Variants in SLCO3A1 observed in about 807,000 individuals in gnomAD.
The protein encoded by SLCO3A1 is PGE1 transporter.
A neutral mutation model predicts 63.1 loss-of-function variants in SLCO3A1; 27 were observed. The ratio of observed to expected loss-of-function variants is 0.43; its 90% confidence interval spans 0.32 to 0.59. The LOEUF (loss-of-function observed/expected upper bound fraction) is 0.59. SLCO3A1 is among the 20% of genes least tolerant of loss of function. SLCO3A1 has a pLI of 0.09. For missense variants in SLCO3A1, 773 were observed against 945.8 expected (o/e 0.82, Z 2.40); for synonymous variants, 473 against 409.9 (o/e 1.15, Z -1.86).
rs1245845501 is a variant in SLCO3A1, at chr15:91,863,811, G to A, written c.180+9723G>A. Among the ~76,000 whole-genome samples the A allele has an allele frequency of 6.6e-6, 1 of 152,202 alleles. No homozygotes were observed. Among genetic ancestry groups the A allele is most frequent in the Non-Finnish European group, 1.5e-5 (1 of 68,030 alleles). ...AGACTCCTGACTTATTGTGTGGCAT[G>A]TCGTGTCGCCTCCCCAGTGCTGGTA... On this transcript the variant is annotated intron_variant, in intron 1 of 9. Coordinates refer to ENST00000318445, the MANE Select transcript of SLCO3A1 (RefSeq NM_013272.4). The surrounding 1 kb of genome is among the most constrained non-coding windows in gnomAD (Gnocchi z 4.3).
At chr15:92,019,749 A>T (rs2046484087) in intron 2 of SLCO3A1, among the ~76,000 whole-genome samples, 1 of 152,134 alleles carries the variant, frequency 6.6e-6, no homozygotes, top group Admixed American at 6.5e-5. Context: ...CCCGAGGATG[A>T]ACTCCAGCCG....
At chr15:92,074,783 G>T (rs980187718) in intron 2 of SLCO3A1, among the ~76,000 whole-genome samples, 2 of 150,572 alleles carry the variant, frequency 1.3e-5, no homozygotes, top group Non-Finnish European at 3.0e-5. Flanking sequence ...CAGGGCGGTG[G>T]GGGGTGGCCA....
intron 2 of SLCO3A1, among the ~76,000 whole-genome samples, chr15:92,008,136 A>C (rs1027148949): frequency 3.9e-5 from 6 of 152,152 alleles, no homozygotes; most frequent in Non-Finnish European, 8.8e-5. Context: ...CACTAGCAAA[A>C]CTGAAAGACC....
rs1004133402 is a variant in SLCO3A1 at position 91,875,488 on chromosome 15, G to C, written c.180+21400G>C. ...GCCCGTCACATGTGACGTAAACCTA[G>C]GTTGGTTCCTCCCCCGTCAGTTGGA... On this transcript the variant is annotated intron_variant, in intron 1 of 9. Coordinates refer to ENST00000318445, the MANE Select transcript of SLCO3A1 (RefSeq NM_013272.4). This position sits in a 1 kb window ranked among gnomAD's most constrained non-coding sequence, Gnocchi z 4.5. Among the ~76,000 whole-genome samples, 1 of 152,206 alleles carries C rather than the reference G, an allele frequency of 6.6e-6. No individual in the cohort carries two copies. Among genetic ancestry groups the C allele is most frequent in the African/African-American group, 2.4e-5 (1 of 41,458 alleles).
intron 2 of SLCO3A1, among the ~76,000 whole-genome samples, chr15:91,999,235 A>G (rs2046225646): frequency 6.6e-6 from 1 of 152,238 alleles, no homozygotes; most frequent in Non-Finnish European, 1.5e-5. Flanking sequence ...GCATCACACA[A>G]TAGACCTGTG....
rs528323562 is a variant in SLCO3A1, at chr15:91,884,319, G to C, written c.180+30231G>C. Among the ~76,000 whole-genome samples, 7 of 152,212 alleles carry C rather than the reference G, an allele frequency of 4.6e-5. No homozygotes were observed. In the East Asian group the frequency reaches 1.4e-3, roughly 29 times the overall value. On this transcript the variant is annotated intron_variant, in intron 1 of 9. Coordinates refer to ENST00000318445, the MANE Select transcript of SLCO3A1 (RefSeq NM_013272.4). ...AGATTGGGAGTTCAAGACCAGACTG[G>C]CCAACATGGGGAAACACCGTCTCTA...
chr15:92,029,953 T>C (rs1257714618), intron 2 of SLCO3A1, among the ~76,000 whole-genome samples: 2 of 152,248 alleles, frequency 1.3e-5, no homozygotes, highest in East Asian at 3.9e-4. Flanking sequence ...CTGCTAAGAA[T>C]TGCAGCCTGC....
chr15:92,031,679 T>C (rs1261229031), intron 2 of SLCO3A1, among the ~76,000 whole-genome samples: 1 of 152,134 alleles, frequency 6.6e-6, no homozygotes, highest in Non-Finnish European at 1.5e-5. Flanking sequence ...TGCGGGTACA[T>C]AGTAGGTGAA....
chr15:92,143,621 G>T (rs180878525), intron 7 of SLCO3A1, among the ~76,000 whole-genome samples: 1,435 of 141,714 alleles, frequency 0.01, 22 homozygotes, highest in African/African-American at 0.036. Flanking sequence ...ATGTAGGTAT[G>T]TGAGCGGGGG....
chr15:91,992,373 G>A (rs893464037), intron 2 of SLCO3A1, among the ~76,000 whole-genome samples: 3 of 152,142 alleles, frequency 2.0e-5, no homozygotes, highest in Admixed American at 6.5e-5. Flanking sequence ...GGGAAGCAGC[G>A]TTCTAGAGTT....
At chr15:91,970,317 T>A (rs1900812306) in intron 2 of SLCO3A1, among the ~76,000 whole-genome samples, 1 of 151,718 alleles carries the variant, frequency 6.6e-6, no homozygotes, top group African/African-American at 2.4e-5. Flanking sequence ...ACAAGGAGAG[T>A]GGTGATGAAA....
chr15:91,967,139 A>G lies in SLCO3A1; in HGVS notation c.646+50681A>G, dbSNP rs1423094658. Among the ~76,000 whole-genome samples, 5 of 152,200 alleles carry G rather than the reference A, an allele frequency of 3.3e-5. No homozygotes were observed. The highest frequency in any genetic ancestry group is 9.7e-5 in the African/African-American group (4 of 41,450). ...AAGAAGTTTTGAAATACCTCATTCT[A>G]TTTGTGCTGCTTTTTATCCTTTCTA... On this transcript the variant is annotated intron_variant, in intron 2 of 9. Transcript: ENST00000318445. The surrounding 1 kb of genome is among the most constrained non-coding windows in gnomAD (Gnocchi z 4.4).
chr15:91,950,151 G>A lies in SLCO3A1; in HGVS notation c.646+33693G>A, dbSNP rs977218767. ...AAAGGCAGATTGAAGCTGCCCCTGG[G>A]GAAGAAAGTTGTAACAGGCAGAGGA... On this transcript the variant is annotated intron_variant, in intron 2 of 9. Coordinates refer to ENST00000318445, the MANE Select transcript of SLCO3A1 (RefSeq NM_013272.4). This position sits in a 1 kb window ranked among gnomAD's most constrained non-coding sequence, Gnocchi z 4.4. Among the ~76,000 whole-genome samples, 4 of 152,220 alleles carry A rather than the reference G, an allele frequency of 2.6e-5. No homozygotes were observed. Among genetic ancestry groups the A allele is most frequent in the African/African-American group, 9.6e-5 (4 of 41,460 alleles).
At chr15:92,171,456 T>C (rs1567160818) in intron 10 of SLCO3A1, 1 of 242,206 alleles carries the variant, frequency 4.1e-6, no homozygotes, top group Non-Finnish European at 8.0e-6. Flanking sequence ...GGTCTGTCAC[T>C]AGTAATTTAC....
At chr15:91,943,150 T>C (rs1464091886) in intron 2 of SLCO3A1, among the ~76,000 whole-genome samples, 2 of 152,250 alleles carry the variant, frequency 1.3e-5, no homozygotes, top group South Asian at 2.1e-4. Flanking sequence ...TGCAGCCTAG[T>C]AGTGTTAAGG....
chr15:92,114,551 C>G (rs2047769185), intron 4 of SLCO3A1, among the ~76,000 whole-genome samples: 1 of 152,188 alleles, frequency 6.6e-6, no homozygotes, highest in South Asian at 2.1e-4. Context: ...GACACCGTTT[C>G]TCCTAGGGGT....
At chr15:92,104,239 C>A in intron 3 of SLCO3A1, 40 bp from the exon 4 acceptor site, 1 of 1,605,270 alleles carries the variant, frequency 6.2e-7, no homozygotes, top group Non-Finnish European at 8.5e-7. Flanking sequence ...AGTGGTCCAG[C>A]CTTCTTTTCT....
downstream of SLCO3A1, among the ~76,000 whole-genome samples, chr15:92,169,369 A>T (rs2048509522): frequency 6.6e-6 from 1 of 151,782 alleles, no homozygotes; most frequent in African/African-American, 2.4e-5. Context: ...GACACGAGGG[A>T]CCTCCCTCCC....
At chr15:92,045,500 C>A (rs1470458683) in intron 2 of SLCO3A1, among the ~76,000 whole-genome samples, 1 of 152,040 alleles carries the variant, frequency 6.6e-6, no homozygotes, top group Non-Finnish European at 1.5e-5. Flanking sequence ...TCTTCTGTAA[C>A]CACTATAATA....
Sources: allele counts gnomAD v4.1 joint callset (sites outside exome capture counted in the v4.1 genomes callset), GRCh38; gene constraint gnomAD v4.1.1; non-coding constraint Gnocchi (gnomAD v3.1); transcripts MANE v1.5; gene names NCBI Gene and HGNC (gene_info 2026-07-23, HGNC 2026-07-21).